CPPED1: variants seen among roughly 807,000 people sequenced by gnomAD.
CPPED1 encodes the protein calcineurin like phosphoesterase domain containing 1, also known as serine/threonine-protein phosphatase CPPED1.
Under a neutral mutation model 28.0 loss-of-function variants are expected in CPPED1, and 28 were observed. The observed-to-expected ratio is 1.00, with a 90% CI of 0.74 to 1.37. The LOEUF (loss-of-function observed/expected upper bound fraction) is 1.37, where lower values mean the gene tolerates loss of function less well. Among genes scored for constraint, CPPED1 ranks in the 40% most tolerant of loss-of-function variants. CPPED1 has a pLI of 0.00. For missense variants in CPPED1, 504 were observed against 416.5 expected, an observed-to-expected ratio of 1.21 and a Z score of -1.83; for synonymous variants, 198 against 180.2, an observed-to-expected ratio of 1.10 and a Z score of -0.79.
chr16:12,688,845 G>C (rs2079947293), intron 3 of CPPED1, among the ~76,000 whole-genome samples: 3 of 152,124 alleles, frequency 2.0e-5, no homozygotes, highest in South Asian at 2.1e-4. Context: ...CAAAATACCT[G>C]ACCCCAATGT....
intron 3 of CPPED1, among the ~76,000 whole-genome samples, chr16:12,672,671 G>C (rs2079858532): frequency 6.6e-6 from 1 of 152,170 alleles, no homozygotes; most frequent in African/African-American, 2.4e-5. Context: ...GGTGTGGGGT[G>C]GGATTAGTGA....
chr16:12,673,854 C>A (rs1216246296), intron 3 of CPPED1, among the ~76,000 whole-genome samples: 3 of 152,036 alleles, frequency 2.0e-5, no homozygotes, highest in Admixed American at 6.5e-5. Flanking sequence ...GGAGACCAGC[C>A]TCGGCAACAT....
chr16:12,772,654 G>A (rs1010267011), intron 2 of CPPED1, among the ~76,000 whole-genome samples: 1 of 152,146 alleles, frequency 6.6e-6, no homozygotes, highest in African/African-American at 2.4e-5. Context: ...TTCTGAAAAT[G>A]CAGTTACTGG....
intron 2 of CPPED1, among the ~76,000 whole-genome samples, chr16:12,773,323 G>T (rs1374718724): frequency 1.3e-5 from 2 of 152,188 alleles, no homozygotes. Flanking sequence ...TGCTGAGCAT[G>T]TGTAAGTCTA....
Position 12,698,527 on chromosome 16 carries a change from G to A in CPPED1, c.715+6097C>T, listed in dbSNP as rs189433155. Among the ~76,000 whole-genome samples, 4 of 152,204 alleles carry A rather than the reference G, an allele frequency of 2.6e-5. No individual in the cohort carries two copies. In the East Asian group the frequency reaches 7.7e-4, roughly 29 times the overall value. On this transcript the variant is annotated intron_variant, in intron 3 of 3. Coordinates refer to ENST00000381774, the MANE Select transcript of CPPED1 (RefSeq NM_018340.3). ...GCTCACCGCAACCTCCGCCTCCAGG[G>A]TTCAAGCGATTCTTCTGCCTCAGCC...
At chr16:12,767,823 G>T (rs1225344463) in intron 2 of CPPED1, among the ~76,000 whole-genome samples, 1 of 152,086 alleles carries the variant, frequency 6.6e-6, no homozygotes, top group Non-Finnish European at 1.5e-5. Context: ...TGGGTGTGGG[G>T]GTGGGCACCT....
intron 3 of CPPED1, among the ~76,000 whole-genome samples, chr16:12,673,479 T>C (rs2079862744): frequency 1.3e-5 from 2 of 152,358 alleles, no homozygotes; most frequent in South Asian, 4.1e-4. Flanking sequence ...GCATTAGCCA[T>C]AATTAGCTGT....
intron 2 of CPPED1, among the ~76,000 whole-genome samples, chr16:12,769,371 G>C (rs1422782175): frequency 1.3e-5 from 2 of 152,042 alleles, no homozygotes; most frequent in Non-Finnish European, 2.9e-5. Flanking sequence ...ATGGGATCCA[G>C]GGGCTTCAGC....
intron 1 of CPPED1, among the ~76,000 whole-genome samples, chr16:12,800,546 T>C (rs574095574): frequency 1.3e-5 from 2 of 152,206 alleles, no homozygotes; most frequent in Non-Finnish European, 2.9e-5. Context: ...AAAGTAGAAA[T>C]GCTTTTGTTG....
chr16:12,671,887 C>A (rs142237720), intron 3 of CPPED1, among the ~76,000 whole-genome samples: 1 of 152,038 alleles, frequency 6.6e-6, no homozygotes, highest in African/African-American at 2.4e-5. Context: ...CTACCATGGA[C>A]GTTTTAGTCA....
intron 2 of CPPED1, among the ~76,000 whole-genome samples, chr16:12,706,739 G>T (rs1297265170): frequency 1.3e-5 from 2 of 152,032 alleles, no homozygotes; most frequent in Non-Finnish European, 2.9e-5. Context: ...AGCACCCCTG[G>T]AAGAGAGGAC....
chr16:12,803,419 A>G (rs887721879), intron 1 of CPPED1, among the ~76,000 whole-genome samples: 24 of 152,226 alleles, frequency 1.6e-4, no homozygotes, highest in African/African-American at 5.5e-4. Flanking sequence ...GCAGAGTCCA[A>G]GCTGTCATTA....
intron 1 of CPPED1, among the ~76,000 whole-genome samples, chr16:12,797,316 T>A (rs563658800): frequency 6.6e-5 from 10 of 152,182 alleles, no homozygotes; most frequent in Non-Finnish European, 1.3e-4. Flanking sequence ...TTTTGGAGGC[T>A]AAGGCAGGAG....
intron 2 of CPPED1, among the ~76,000 whole-genome samples, chr16:12,708,189 G>A (rs1242138677): frequency 6.6e-6 from 1 of 151,978 alleles, no homozygotes. Context: ...AAAAAAAGAT[G>A]AGCCTCTTTC....
intron 3 of CPPED1, among the ~76,000 whole-genome samples, chr16:12,671,503 G>A (rs2079852583): frequency 6.6e-6 from 1 of 152,156 alleles, no homozygotes; most frequent in African/African-American, 2.4e-5. Context: ...GGTTCTGGGA[G>A]GCTGTAAAGA....
At chr16:12,722,234 G>A (rs547236952) in intron 2 of CPPED1, among the ~76,000 whole-genome samples, 3 of 152,268 alleles carry the variant, frequency 2.0e-5, no homozygotes, top group African/African-American at 4.8e-5. Context: ...TTACTCATTC[G>A]GGGTGGCAGC....
chr16:12,696,686 A>G (rs1596449899), intron 3 of CPPED1, among the ~76,000 whole-genome samples: 1 of 151,126 alleles, frequency 6.6e-6, no homozygotes, highest in Non-Finnish European at 1.5e-5. Flanking sequence ...CAGGTGATCC[A>G]CCTGCCTCAG....
intron 2 of CPPED1, among the ~76,000 whole-genome samples, chr16:12,726,532 G>A (rs913356236): frequency 4.0e-5 from 6 of 151,718 alleles, no homozygotes; most frequent in African/African-American, 7.3e-5. Context: ...TAGTAGAGAC[G>A]GGGTTTCACC....
At chr16:12,748,317 A>T (rs929372014) in intron 2 of CPPED1, among the ~76,000 whole-genome samples, 2 of 152,230 alleles carry the variant, frequency 1.3e-5, no homozygotes, top group African/African-American at 4.8e-5. Context: ...TGAATGATCC[A>T]TATGAATACA....
Sources: allele counts gnomAD v4.1 joint callset (sites outside exome capture counted in the v4.1 genomes callset), GRCh38; gene constraint gnomAD v4.1.1; transcripts MANE v1.5; gene names NCBI Gene and HGNC (gene_info 2026-07-23, HGNC 2026-07-21).